Variants in TAB1 observed in about 807,000 individuals in gnomAD.
TAB1 encodes the protein TGF-beta-activated kinase 1 and MAP3K7-binding protein 1.
TAB1 carries 30 observed loss-of-function variants against 54.5 expected under a neutral mutation model. The observed-to-expected ratio is 0.55, with a 90% CI of 0.41 to 0.75. The LOEUF is 0.75. Among genes scored for constraint, TAB1 ranks in the 30% least tolerant of loss-of-function variants. The pLI, the probability that TAB1 is intolerant of heterozygous loss-of-function variation, is 0.00. For missense variants in TAB1, 609 were observed against 683.2 expected, an observed-to-expected ratio of 0.89 and a Z score of 1.21; for synonymous variants, 289 against 286.9, an observed-to-expected ratio of 1.01 and a Z score of -0.07.
intron 9 of TAB1, among the ~76,000 whole-genome samples, chr22:39,427,218 TGATTGA>T (rs1484135137): frequency 6.6e-6 from 1 of 152,160 alleles, no homozygotes; most frequent in Non-Finnish European, 1.5e-5. Context: ...TGGCCACCAC[TGATTGA>T]GTGCCTCCCT....
chr22:39,400,852 G>A lies in TAB1; in HGVS notation c.33+1017G>A, dbSNP rs563332124. On this transcript the variant is annotated intron_variant, in intron 1 of 10. Coordinates refer to ENST00000216160, the MANE Select transcript of TAB1 (RefSeq NM_006116.3). Reference sequence around the variant, plus strand: ...AGATCAAGACCATCCTGGCCAACATGGTGAAACCCCGTCTTTACTAAAAAT... The same window carrying A: ...AGATCAAGACCATCCTGGCCAACATAGTGAAACCCCGTCTTTACTAAAAAT... Among the ~76,000 whole-genome samples the A allele has an allele frequency of 4.5e-3, 686 of 152,174 alleles. 1 individual carries two copies. The highest frequency in any genetic ancestry group is 9.6e-3 in the Admixed American group (147 of 15,270).
In TAB1 at chr22:39,415,149, G is replaced by A; in HGVS notation, c.170+7G>A. The stretch of plus-strand genomic sequence containing the variant: ...ACAGCTGGCTCAAGTTCAGGTGTGT[G>A]TGCCAGCATTTCTGTGTTGGGCCCG... On this transcript the variant is annotated splice_region_variant and intron_variant, in intron 2 of 10. Transcript: ENST00000216160. This position sits in a 1 kb window ranked among gnomAD's most constrained non-coding sequence, Gnocchi z 4.9. The A allele has an allele frequency of 2.6e-6, 4 of 1,568,586 alleles. No individual in the cohort carries two copies. The highest frequency in any genetic ancestry group is 3.5e-6 in the Non-Finnish European group (4 of 1,153,324).
chr22:39,429,485 C>A, intron 10 of TAB1: 1 of 644,966 alleles, frequency 1.6e-6, no homozygotes, highest in Non-Finnish European at 1.9e-6. Flanking sequence ...CATTTTCTTT[C>A]CATTTTTTTG....
chr22:39,422,984 T>TC (rs1175811711), intron 8 of TAB1, among the ~76,000 whole-genome samples: 1 of 151,616 alleles, frequency 6.6e-6, no homozygotes, highest in East Asian at 1.9e-4. Flanking sequence ...TTGACTTTTT[T>TC]TTTTTTTTTT....
chr22:39,422,970 T>A (rs1927160851), intron 8 of TAB1, among the ~76,000 whole-genome samples: 1 of 151,276 alleles, frequency 6.6e-6, no homozygotes. Context: ...TAACCTTTTC[T>A]GCTTTGACTT....
At chr22:39,424,802 T>G (rs1303735836) in intron 8 of TAB1, among the ~76,000 whole-genome samples, 1 of 152,062 alleles carries the variant, frequency 6.6e-6, no homozygotes, top group African/African-American at 2.4e-5. Context: ...CCAGTAGCCT[T>G]ATAACATAGA....
chr22:39,420,528 C>T (rs1003718916), intron 7 of TAB1, among the ~76,000 whole-genome samples: 2 of 152,208 alleles, frequency 1.3e-5, no homozygotes, highest in African/African-American at 4.8e-5. Flanking sequence ...CATGTTAGAA[C>T]TCCTTGCCCT....
Position 39,430,246 on chromosome 22 carries a change from G to A in TAB1, c.*24G>A. On this transcript the variant is annotated 3_prime_UTR_variant, in exon 11 of 11. Transcript: ENST00000216160. ...AGGGCAGCCGGAGAATGCAGCCCAA[G>A]CAGGGCCTGGCATGGGGCAGGACAG... 1 of 1,607,730 alleles carries A rather than the reference G, an allele frequency of 6.2e-7. No homozygotes were observed. The highest frequency in any genetic ancestry group is 1.7e-5 in the Admixed American group (1 of 60,028).
chr22:39,416,875 G>A lies in TAB1; in HGVS notation c.409G>A (p.Glu137Lys), dbSNP rs772257620. The change falls in exon 4 of 11, where the codon GAG becomes AAG. Residue 137 changes from glutamate to lysine, a missense_variant and splice_region_variant. By Grantham distance (56) the Glu-to-Lys change is moderately conservative. Transcript: ENST00000216160. ...EKASLQSQLP[E>K]GVPQHQLPPQ... ...GGCAAGCCTCCAGTCGCAATTGCCA[G>A]AGGTAATTTCCCCAGCCGACACCCA... The A allele has an allele frequency of 2.5e-6, 4 of 1,614,114 alleles. No homozygotes were observed. The Admixed American group carries it at 6.7e-5, about 27-fold the overall frequency.
Position 39,422,400 on chromosome 22 carries a change from C to CTTT in TAB1, c.921+453_921+455dup, listed in dbSNP as rs965591327. ...ACAATTTATAGTTTGCTTCTCATTTCTTTTTTTTTTTTTTTTTTTTTTTTT... is the reference window on the plus strand; with the variant it reads ...ACAATTTATAGTTTGCTTCTCATTTCTTTTTTTTTTTTTTTTTTTTTTTTTTTT... On this transcript the variant is annotated intron_variant, in intron 8 of 10. Coordinates refer to ENST00000216160, the MANE Select transcript of TAB1 (RefSeq NM_006116.3). 2.5e-3 allele frequency among the ~76,000 whole-genome samples: 220 copies of CTTT among 88,518 alleles called. 15 individuals are homozygous for CTTT. The highest frequency in any genetic ancestry group is 8.7e-3 in the African/African-American group (180 of 20,590). The allele number at this position is 88,518 out of a possible 152,430, so 58.1% of individuals were successfully genotyped here. A position where few individuals can be genotyped will look rare whatever the true frequency, so the allele number is the denominator to read the frequency against.
At chr22:39,420,661 A>G (rs1436548409) in intron 7 of TAB1, among the ~76,000 whole-genome samples, 2 of 152,100 alleles carry the variant, frequency 1.3e-5, no homozygotes. Context: ...TATACAGGGA[A>G]AGGAAGTCTT....
chr22:39,434,076 G>T (rs956085225), downstream of TAB1, among the ~76,000 whole-genome samples: 2 of 152,234 alleles, frequency 1.3e-5, no homozygotes, highest in East Asian at 3.8e-4. Flanking sequence ...GGGAATGGCC[G>T]TGTGACCTTG....
Position 39,421,985 on chromosome 22 carries a change from A to G in TAB1, c.921+14A>G, listed in dbSNP as rs778865942. 5.3e-6 allele frequency: 8 copies of G among 1,519,478 alleles called. No homozygotes were observed. In the East Asian group the frequency reaches 1.5e-4, roughly 28 times the overall value. The allele number at this position is 1,519,478 out of a possible 1,614,324, so 94.1% of individuals were successfully genotyped here. A position where few individuals can be genotyped will look rare whatever the true frequency, so the allele number is the denominator to read the frequency against. On this transcript the variant is annotated intron_variant, in intron 8 of 10. Transcript: ENST00000216160. ...CAGGCCAACCAGGTGAGTTGGGCCC[A>G]GCCACGCCCATGGCCGGAGAGCGTG...
In TAB1 at chr22:39,416,779, G is replaced by C. The variant is rs760940405; in HGVS notation, c.325-12G>C. On this transcript the variant is annotated splice_polypyrimidine_tract_variant and intron_variant, in intron 3 of 10. Coordinates refer to ENST00000216160, the MANE Select transcript of TAB1 (RefSeq NM_006116.3). ...TTTGAACCAGCCTTTGCCCTGTCCT[G>C]TGTCCCCCTAGGCCTTCGATGTGGT... The C allele has an allele frequency of 6.2e-7, 1 of 1,614,024 alleles. No homozygotes were observed. The highest frequency in any genetic ancestry group is 8.5e-7 in the Non-Finnish European group (1 of 1,179,858).
At chr22:39,420,392 G>C (rs912969689) in intron 7 of TAB1, among the ~76,000 whole-genome samples, 4 of 152,150 alleles carry the variant, frequency 2.6e-5, no homozygotes, top group Non-Finnish European at 5.9e-5. Context: ...ACCTGTATGT[G>C]AAGTGTTGGT....
intron 8 of TAB1, among the ~76,000 whole-genome samples, chr22:39,424,519 A>G (rs568394654): frequency 7.3e-6 from 1 of 137,014 alleles, no homozygotes; most frequent in South Asian, 2.2e-4. Context: ...ATCTCGGCTC[A>G]CTGTAACCTC....
At chr22:39,419,667 A>G (rs1926986360) in intron 7 of TAB1, 37 bp downstream of exon 7, 2 of 1,489,910 alleles carry the variant, frequency 1.3e-6, no homozygotes, top group Admixed American at 3.5e-5. Flanking sequence ...TGCTTGAAAG[A>G]ACAGAAGGTC....
intron 1 of TAB1, among the ~76,000 whole-genome samples, chr22:39,403,221 G>C (rs553130240): frequency 6.6e-6 from 1 of 152,366 alleles, no homozygotes; most frequent in African/African-American, 2.4e-5. Flanking sequence ...GCACCGAACA[G>C]ATACAGATCA....
intron 9 of TAB1, 38 bp downstream of exon 9, chr22:39,426,963 C>G (rs1273628318): frequency 1.9e-6 from 3 of 1,586,454 alleles, no homozygotes; most frequent in Non-Finnish European, 2.6e-6. Context: ...CCTGGGGATG[C>G]CATCTGGGGG....
Sources: allele counts gnomAD v4.1 joint callset (sites outside exome capture counted in the v4.1 genomes callset), GRCh38; gene constraint gnomAD v4.1.1; non-coding constraint Gnocchi (gnomAD v3.1); transcripts MANE v1.5; gene names NCBI Gene and HGNC (gene_info 2026-07-23, HGNC 2026-07-21).